The following CCNY variants were observed in gnomAD, a reference collection of about 807,000 sequenced individuals.
CCNY encodes cyclin-Y.
Under a neutral mutation model 42.8 loss-of-function variants are expected in CCNY, and 19 were observed. The observed-to-expected ratio is 0.44, with a 90% CI of 0.31 to 0.65. CCNY has a LOEUF of 0.65. Among genes scored for constraint, CCNY ranks in the 30% least tolerant of loss-of-function variants. The pLI, the probability that CCNY is intolerant of heterozygous loss-of-function variation, is 0.07. For missense variants in CCNY, 370 were observed against 437.3 expected, an observed-to-expected ratio of 0.85 and a Z score of 1.37; for synonymous variants, 165 against 162.7, an observed-to-expected ratio of 1.01 and a Z score of -0.11.
chr10:35,410,986 G>C (rs975152345), intron 1 of CCNY, among the ~76,000 whole-genome samples: 2 of 152,212 alleles, frequency 1.3e-5, no homozygotes, highest in Admixed American at 1.3e-4. Context: ...GGTGTGTGAA[G>C]GGTGAGGGCT....
intron 5 of CCNY, among the ~76,000 whole-genome samples, chr10:35,529,708 C>CAA (rs34311829): frequency 0.016 from 2,330 of 145,056 alleles, 30 homozygotes; most frequent in Middle Eastern, 0.025. Flanking sequence ...ACTAAAAATA[C>CAA]AAAAAAAAAA....
intron 3 of CCNY, among the ~76,000 whole-genome samples, chr10:35,256,270 GC>G (rs2095715407): frequency 6.6e-6 from 1 of 151,130 alleles, no homozygotes; most frequent in Non-Finnish European, 1.5e-5. Flanking sequence ...TTTGTCCCAT[GC>G]TTCCTGCCTT....
chr10:35,568,287 G>C (rs565041689), intron 9 of CCNY, among the ~76,000 whole-genome samples: 1 of 152,260 alleles, frequency 6.6e-6, no homozygotes, highest in South Asian at 2.1e-4. Flanking sequence ...GGGCCCTAGG[G>C]GTTCAGCAGG....
chr10:35,264,867 G>C (rs1211529898), intron 3 of CCNY, among the ~76,000 whole-genome samples: 1 of 152,190 alleles, frequency 6.6e-6, no homozygotes, highest in East Asian at 1.9e-4. Flanking sequence ...GACCTCAGGT[G>C]ATCCACCCAC....
intron 3 of CCNY, among the ~76,000 whole-genome samples, chr10:35,506,317 C>T (rs2135396671): frequency 6.6e-6 from 1 of 152,324 alleles, no homozygotes; most frequent in African/African-American, 2.4e-5. Context: ...ACCTTAGATG[C>T]TCTGGTTCTC....
At chr10:35,361,078 C>T (rs957487463) in intron 1 of CCNY, among the ~76,000 whole-genome samples, 11 of 151,908 alleles carry the variant, frequency 7.2e-5, no homozygotes, top group Non-Finnish European at 2.9e-5. Context: ...AGGCTGGTCT[C>T]GAACTCCTGG....
At chr10:35,492,392 C>T (rs1839917733) in intron 2 of CCNY, among the ~76,000 whole-genome samples, 1 of 152,242 alleles carries the variant, frequency 6.6e-6, no homozygotes, top group Non-Finnish European at 1.5e-5. Flanking sequence ...GTGATAGACA[C>T]CTTTCCTTGG....
At chr10:35,353,905 C>T (rs1257389590) in intron 1 of CCNY, among the ~76,000 whole-genome samples, 1 of 152,196 alleles carries the variant, frequency 6.6e-6, no homozygotes, top group Non-Finnish European at 1.5e-5. Flanking sequence ...TCAGGACTCC[C>T]AGTTTAGCTG....
intron 5 of CCNY, among the ~76,000 whole-genome samples, chr10:35,527,284 C>A (rs999605256): frequency 1.3e-5 from 2 of 152,112 alleles, no homozygotes; most frequent in Non-Finnish European, 2.9e-5. Context: ...TAGTTCAAAC[C>A]TTTTAAACTT....
intron 1 of CCNY, among the ~76,000 whole-genome samples, chr10:35,472,727 A>G (rs1839415233): frequency 6.6e-6 from 1 of 152,142 alleles, no homozygotes; most frequent in African/African-American, 2.4e-5. Context: ...GTGAAGGTAA[A>G]TGTGATAGAA....
intron 1 of CCNY, among the ~76,000 whole-genome samples, chr10:35,390,524 G>C (rs115657031): frequency 0.011 from 1,681 of 152,336 alleles, 41 homozygotes; most frequent in African/African-American, 0.039. Flanking sequence ...TGTGCCTACA[G>C]ATTTGGTTTT....
intron 1 of CCNY, among the ~76,000 whole-genome samples, chr10:35,407,469 G>A (rs555611269): frequency 5.3e-5 from 8 of 152,160 alleles, no homozygotes; most frequent in Non-Finnish European, 1.2e-4. Context: ...ACTAGGGAGG[G>A]ACCAGTGTGT....
intron 1 of CCNY, among the ~76,000 whole-genome samples, chr10:35,396,125 G>A (rs1837520023): frequency 6.6e-6 from 1 of 152,208 alleles, no homozygotes; most frequent in Non-Finnish European, 1.5e-5. Context: ...CACATAGCAG[G>A]TGCTTGATAT....
chr10:35,495,270 G>T (rs7082721), intron 2 of CCNY, among the ~76,000 whole-genome samples: 4,853 of 152,252 alleles, frequency 0.032, 110 homozygotes, highest in Middle Eastern at 0.075. Context: ...CAATAAGCAT[G>T]CATTTCTTTT....
intron 5 of CCNY, among the ~76,000 whole-genome samples, chr10:35,529,605 G>A (rs186417436): frequency 9.9e-5 from 15 of 152,150 alleles, no homozygotes; most frequent in Admixed American, 8.5e-4. Context: ...GCTCACACCT[G>A]TAATCCCAGA....
intron 1 of CCNY, among the ~76,000 whole-genome samples, chr10:35,458,298 GGAGA>G (rs1839081740): frequency 6.6e-6 from 1 of 152,172 alleles, no homozygotes; most frequent in Non-Finnish European, 1.5e-5. Flanking sequence ...TTCCAAGGGT[GGAGA>G]GAATCTCAGC....
At chr10:35,379,544 A>G (rs61843284) in intron 1 of CCNY, among the ~76,000 whole-genome samples, 17 of 152,338 alleles carry the variant, frequency 1.1e-4, no homozygotes, top group African/African-American at 4.1e-4. Context: ...TGATTGAGTG[A>G]GCTACTGGCA....
At chr10:35,333,176 C>G (rs777113826), upstream of CCNY, among the ~76,000 whole-genome samples, 48 of 152,102 alleles carry the variant, frequency 3.2e-4, no homozygotes, top group Non-Finnish European at 6.3e-4. Context: ...TGAGGACAGG[C>G]CTTGTTACAA....
intron 1 of CCNY, among the ~76,000 whole-genome samples, chr10:35,473,085 T>G (rs1424487577): frequency 6.6e-6 from 1 of 152,276 alleles, no homozygotes; most frequent in Non-Finnish European, 1.5e-5. Context: ...TGCTATTCTG[T>G]GTCTCCCAGG....
Sources: allele counts gnomAD v4.1 joint callset (sites outside exome capture counted in the v4.1 genomes callset), GRCh38; gene constraint gnomAD v4.1.1; transcripts MANE v1.5; gene names NCBI Gene and HGNC (gene_info 2026-07-23, HGNC 2026-07-21).